IL15: variants seen among roughly 807,000 people sequenced by gnomAD.
The protein encoded by IL15 is interleukin 15.
Under a neutral mutation model 19.6 loss-of-function variants are expected in IL15, and 11 were observed. That is an observed-to-expected ratio of 0.56 (90% CI 0.35 to 0.93). IL15 has a LOEUF of 0.93. Among genes scored for constraint, IL15 ranks in the 40% least tolerant of loss-of-function variants. IL15 has a pLI of 0.01. For missense variants in IL15, 197 were observed against 186.5 expected, an observed-to-expected ratio of 1.06 and a Z score of -0.33; for synonymous variants, 58 against 59.6, an observed-to-expected ratio of 0.97 and a Z score of 0.12.
chr4:141,725,046 T>A (rs1730213627), intron 5 of IL15, among the ~76,000 whole-genome samples: 1 of 152,136 alleles, frequency 6.6e-6, no homozygotes, highest in Non-Finnish European at 1.5e-5. Context: ...AAATGCTCTA[T>A]AAAATATTAA....
At chr4:141,713,258 A>T (rs1729767564) in intron 2 of IL15, among the ~76,000 whole-genome samples, 1 of 152,214 alleles carries the variant, frequency 6.6e-6, no homozygotes, top group Non-Finnish European at 1.5e-5. Context: ...TCTCAGCTGT[A>T]CTTAAATTAG....
At chr4:141,655,827 A>C (rs549294101) in intron 1 of IL15, among the ~76,000 whole-genome samples, 1 of 152,354 alleles carries the variant, frequency 6.6e-6, no homozygotes, top group South Asian at 2.1e-4. Flanking sequence ...ACTTAATATC[A>C]AACACACAAA....
chr4:141,655,410 A>G (rs1411852581), intron 1 of IL15, among the ~76,000 whole-genome samples: 2 of 152,114 alleles, frequency 1.3e-5, no homozygotes, highest in African/African-American at 4.8e-5. Context: ...TGGTGGCTGT[A>G]TGGGTGTAAG....
intron 2 of IL15, chr4:141,715,179 A>T (rs932909971): frequency 4.6e-5 from 7 of 152,168 alleles, no homozygotes; most frequent in Non-Finnish European, 8.8e-5. Context: ...TCCTATCATA[A>T]AAAATGATTC....
chr4:141,638,664 A>G lies in IL15; in HGVS notation c.-222+1916A>G, dbSNP rs376980956. Among the ~76,000 whole-genome samples the G allele has an allele frequency of 4.6e-5, 7 of 152,320 alleles. No homozygotes were observed. The East Asian group carries it at 9.6e-4, about 21-fold the overall frequency. On this transcript the variant is annotated intron_variant, in intron 1 of 7. Transcript: ENST00000320650. ...TATAAATTTCCTTGGGGGATGGAGAAAACAGTGGTTTAAGGTTTATCGAAA... is the reference window on the plus strand; with the variant it reads ...TATAAATTTCCTTGGGGGATGGAGAGAACAGTGGTTTAAGGTTTATCGAAA...
At chr4:141,730,631 G>T (rs1730421248) in intron 7 of IL15, among the ~76,000 whole-genome samples, 2 of 152,100 alleles carry the variant, frequency 1.3e-5, no homozygotes, top group Non-Finnish European at 2.9e-5. Flanking sequence ...AGTATAATCT[G>T]GGACATCCCA....
At chr4:141,664,452 T>C (rs1727902929) in intron 2 of IL15, among the ~76,000 whole-genome samples, 1 of 151,566 alleles carries the variant, frequency 6.6e-6, no homozygotes, top group Non-Finnish European at 1.5e-5. Context: ...GGGAAAAATA[T>C]TTACTTCTCC....
intron 2 of IL15, among the ~76,000 whole-genome samples, chr4:141,696,248 T>C (rs781586646): frequency 6.6e-6 from 1 of 152,130 alleles, no homozygotes; most frequent in Non-Finnish European, 1.5e-5. Flanking sequence ...TGTAGGCATG[T>C]GAACTTATTT....
chr4:141,715,608 A>T (rs910111875), intron 2 of IL15: 1 of 152,230 alleles, frequency 6.6e-6, no homozygotes, highest in Non-Finnish European at 1.5e-5. Flanking sequence ...GTCATAAAAA[A>T]TGCCTAGCCC....
chr4:141,732,709 C>A (rs1303658523), intron 7 of IL15, 29 bp from the exon 8 acceptor site: 1 of 1,599,662 alleles, frequency 6.3e-7, no homozygotes, highest in Non-Finnish European at 8.5e-7. Context: ...TTATAAATTG[C>A]CAATTTAATC....
intron 1 of IL15, among the ~76,000 whole-genome samples, chr4:141,638,776 G>A (rs1246192794): frequency 6.6e-6 from 1 of 152,202 alleles, no homozygotes; most frequent in Non-Finnish European, 1.5e-5. Flanking sequence ...ACAGCTAGAA[G>A]AGCAGCCCTG....
At chr4:141,642,062 CAA>C (rs1727063646) in intron 1 of IL15, among the ~76,000 whole-genome samples, 1 of 151,182 alleles carries the variant, frequency 6.6e-6, no homozygotes, top group Non-Finnish European at 1.5e-5. Context: ...AAAACTAAAA[CAA>C]TATTGGAAAT....
At chr4:141,726,644 T>TGAA (rs1340687973) in intron 5 of IL15, among the ~76,000 whole-genome samples, 1 of 152,148 alleles carries the variant, frequency 6.6e-6, no homozygotes, top group Non-Finnish European at 1.5e-5. Context: ...AATATGTACA[T>TGAA]GAATGTTCAC....
intron 2 of IL15, among the ~76,000 whole-genome samples, chr4:141,675,260 A>G (rs1728304496): frequency 6.6e-6 from 1 of 152,232 alleles, no homozygotes; most frequent in Non-Finnish European, 1.5e-5. Flanking sequence ...ATTAACTACC[A>G]TAAAATATAC....
intron 2 of IL15, among the ~76,000 whole-genome samples, chr4:141,695,855 A>T (rs1231629632): frequency 6.6e-6 from 1 of 152,028 alleles, no homozygotes; most frequent in East Asian, 1.9e-4. Flanking sequence ...ATATATTCAG[A>T]TGGGTAGTTT....
In IL15 at chr4:141,732,778, A is replaced by G. The variant is rs773137689; in HGVS notation, c.419A>G (p.Glu140Gly). Residue 140 changes from glutamate to glycine, a missense_variant, in exon 8 of 8, where the codon GAG (glutamate) becomes GGG (glycine). By Grantham distance (98) the Glu-to-Gly change is moderately conservative. Coordinates refer to ENST00000320650, the MANE Select transcript of IL15 (RefSeq NM_000585.5). ...ESGCKECEEL[E>G]EKNIKEFLQS... The stretch of plus-strand genomic sequence containing the variant: ...GGATGCAAAGAATGTGAGGAACTGG[A>G]GGAAAAAAATATTAAAGAATTTTTG... The G allele has an allele frequency of 1.2e-6, 2 of 1,613,042 alleles. No homozygotes were observed. The highest frequency in any genetic ancestry group is 1.7e-5 in the Admixed American group (1 of 59,898).
intron 4 of IL15, chr4:141,721,313 T>C: frequency 1.6e-6 from 1 of 640,832 alleles, no homozygotes; most frequent in Non-Finnish European, 2.8e-6. Flanking sequence ...GTGTATTTTG[T>C]CTGGATATTA....
intron 1 of IL15, among the ~76,000 whole-genome samples, chr4:141,651,458 A>T (rs1394459948): frequency 2.0e-5 from 3 of 152,080 alleles, no homozygotes; most frequent in Non-Finnish European, 4.4e-5. Context: ...AGGTTGAGGG[A>T]TGAGAGATTA....
chr4:141,693,512 G>A (rs1003838834), intron 2 of IL15, among the ~76,000 whole-genome samples: 1 of 152,082 alleles, frequency 6.6e-6, no homozygotes, highest in Non-Finnish European at 1.5e-5. Flanking sequence ...ACACTAATAG[G>A]TCCCTAAATC....
Sources: gnomAD v4.1 joint callset for allele counts (sites outside exome capture counted in the v4.1 genomes callset) on GRCh38, gnomAD v4.1.1 for gene constraint, MANE v1.5 for transcripts, NCBI Gene and HGNC (gene_info 2026-07-23, HGNC 2026-07-21) for gene names.